Variants in GRID2 observed in about 807,000 individuals in gnomAD.
The protein encoded by GRID2 is glutamate receptor ionotropic, delta-2.
GRID2 carries 33 observed loss-of-function variants against 114.8 expected under a neutral mutation model. The observed-to-expected ratio is 0.29, with a 90% CI of 0.22 to 0.38. The LOEUF (loss-of-function observed/expected upper bound fraction) is 0.38, where lower values mean the gene tolerates loss of function less well. GRID2 is among the 10% of genes least tolerant of loss of function. The pLI, the probability that GRID2 is intolerant of heterozygous loss-of-function variation, is 1.00. For synonymous variants in GRID2, 505 were observed against 449.9 expected (o/e 1.12, Z -1.55); for missense variants, 1,184 against 1,257.7 (o/e 0.94, Z 0.89).
At chr4:93,439,878 A>G (rs1721464939) in intron 10 of GRID2, among the ~76,000 whole-genome samples, 1 of 152,154 alleles carries the variant, frequency 6.6e-6, no homozygotes, top group Middle Eastern at 3.4e-3. Context: ...AGTCGAGCCT[A>G]TCTCTCTATG....
chr4:92,933,325 G>C (rs566735267), intron 2 of GRID2, among the ~76,000 whole-genome samples: 26 of 151,280 alleles, frequency 1.7e-4, no homozygotes, highest in African/African-American at 6.0e-4. Context: ...AATGTACCTT[G>C]ATCACTAATT....
At chr4:93,458,207 T>G (rs1723386951) in intron 11 of GRID2, among the ~76,000 whole-genome samples, 1 of 152,218 alleles carries the variant, frequency 6.6e-6, no homozygotes, top group Non-Finnish European at 1.5e-5. Flanking sequence ...TTTGGTTGAC[T>G]GTGTTAAACC....
At chr4:93,040,067 A>G (rs1050818148) in intron 2 of GRID2, among the ~76,000 whole-genome samples, 7 of 152,112 alleles carry the variant, frequency 4.6e-5, no homozygotes, top group Non-Finnish European at 8.8e-5. Flanking sequence ...TTCATTTTCT[A>G]TGTAGTTTAG....
intron 10 of GRID2, among the ~76,000 whole-genome samples, chr4:93,429,387 G>A (rs1379462308): frequency 6.6e-6 from 1 of 152,104 alleles, no homozygotes; most frequent in Non-Finnish European, 1.5e-5. Flanking sequence ...AAATTAATAT[G>A]TCAATTATAA....
At chr4:93,080,906 A>G (rs540337393) in intron 2 of GRID2, among the ~76,000 whole-genome samples, 1 of 152,122 alleles carries the variant, frequency 6.6e-6, no homozygotes, top group East Asian at 1.9e-4. Context: ...GTGTCATCCT[A>G]TGGAGGAAGG....
At chr4:93,096,770 A>T (rs1473151952) in intron 3 of GRID2, among the ~76,000 whole-genome samples, 1 of 151,974 alleles carries the variant, frequency 6.6e-6, no homozygotes, top group Non-Finnish European at 1.5e-5. Context: ...GCAATTTTTT[A>T]CCAAGTTAAA....
intron 2 of GRID2, among the ~76,000 whole-genome samples, chr4:93,005,898 ACCACTCT>A (rs1055350093): frequency 1.3e-5 from 2 of 152,036 alleles, no homozygotes; most frequent in Admixed American, 1.3e-4. Context: ...TTCATTATCT[ACCACTCT>A]CCATTTACAT....
At chr4:92,348,063 C>T (rs572083990) in intron 1 of GRID2, among the ~76,000 whole-genome samples, 2 of 152,266 alleles carry the variant, frequency 1.3e-5, no homozygotes, top group East Asian at 3.9e-4. Flanking sequence ...TCAACTGATA[C>T]TCCTTCCTCA....
At chr4:93,359,799 C>T (rs1434107926) in intron 8 of GRID2, among the ~76,000 whole-genome samples, 2 of 117,956 alleles carry the variant, frequency 1.7e-5, no homozygotes, top group Non-Finnish European at 3.4e-5. Flanking sequence ...TAAGCGAATA[C>T]CATAGCCAAG....
intron 2 of GRID2, among the ~76,000 whole-genome samples, chr4:92,717,211 G>A (rs954407053): frequency 2.6e-5 from 4 of 152,056 alleles, no homozygotes; most frequent in African/African-American, 4.8e-5. Flanking sequence ...AAAATCTTAC[G>A]TACTTTTCTG....
chr4:93,757,728 G>A (rs1732874009), intron 14 of GRID2, among the ~76,000 whole-genome samples: 1 of 152,182 alleles, frequency 6.6e-6, no homozygotes, highest in Admixed American at 6.5e-5. Flanking sequence ...GGCAGAGGCG[G>A]GTGAATCATC....
rs575692832 is a variant in GRID2 at position 92,323,816 on chromosome 4, T to A, written c.88+19072T>A. ...AGACTGTTAGAGATTGTCCAGAGCC[T>A]AGGACCCTCTTTTGCTCATGAGCAC... On this transcript the variant is annotated intron_variant, in intron 1 of 15. Coordinates refer to ENST00000282020, the MANE Select transcript of GRID2 (RefSeq NM_001510.4). Among the ~76,000 whole-genome samples, 3 of 152,164 alleles carry A rather than the reference T, an allele frequency of 2.0e-5. No homozygotes were observed. In the South Asian group the frequency reaches 6.2e-4, roughly 31 times the overall value.
intron 10 of GRID2, among the ~76,000 whole-genome samples, chr4:93,445,292 A>C (rs1372104896): frequency 6.6e-6 from 1 of 152,000 alleles, no homozygotes; most frequent in Admixed American, 6.6e-5. Flanking sequence ...AAGCGTGATA[A>C]ACCTGGGATA....
chr4:92,686,429 T>C (rs1015003751), intron 2 of GRID2, among the ~76,000 whole-genome samples: 1 of 152,158 alleles, frequency 6.6e-6, no homozygotes, highest in Non-Finnish European at 1.5e-5. Flanking sequence ...ATATCTCCAA[T>C]GTTATCAAAT....
At position 93,501,333 on chromosome 4, in the gene GRID2, G is replaced by GA. The variant is rs768757682; in HGVS notation, c.1997+10558dup. Among the ~76,000 whole-genome samples the GA allele has an allele frequency of 5.3e-5, 8 of 152,070 alleles. No individual in the cohort carries two copies. In the East Asian group the frequency reaches 1.4e-3, roughly 26 times the overall value. On this transcript the variant is annotated intron_variant, in intron 12 of 15. Coordinates refer to ENST00000282020, the MANE Select transcript of GRID2 (RefSeq NM_001510.4). ...AGTCTTTTTTATAGCTCTCAGTAGG[G>GA]AATTGCACACTTTATTAGGAGGAGC...
rs188178580 is a variant in GRID2 at position 92,343,938 on chromosome 4, T to C, written c.88+39194T>C. 3.2e-3 allele frequency among the ~76,000 whole-genome samples: 481 copies of C among 152,282 alleles called. 4 individuals are homozygous for C. Among genetic ancestry groups the C allele is most frequent in the African/African-American group, 0.011 (456 of 41,544 alleles). On this transcript the variant is annotated intron_variant, in intron 1 of 15. Coordinates refer to ENST00000282020, the MANE Select transcript of GRID2 (RefSeq NM_001510.4). The stretch of plus-strand genomic sequence containing the variant: ...CAAAGAAATCATAAGGAAGAAAAAG[T>C]ATATTTTATGTTAAGCAGAAGTGGA...
intron 2 of GRID2, among the ~76,000 whole-genome samples, chr4:92,814,210 G>C (rs934892750): frequency 9.9e-5 from 15 of 152,010 alleles, no homozygotes. Flanking sequence ...TTTTACTTTT[G>C]ATGTATGTGG....
intron 14 of GRID2, among the ~76,000 whole-genome samples, chr4:93,644,453 T>G (rs192645764): frequency 4.6e-3 from 697 of 152,286 alleles, no homozygotes; most frequent in South Asian, 0.011. Flanking sequence ...TCTGTAAGGT[T>G]TTTAATCTTT....
At chr4:92,748,481 T>G (rs1737265316) in intron 2 of GRID2, among the ~76,000 whole-genome samples, 1 of 152,026 alleles carries the variant, frequency 6.6e-6, no homozygotes. Context: ...TATGTGGTAG[T>G]AAATGTTTTG....
Sources: gnomAD v4.1 joint callset for allele counts (sites outside exome capture counted in the v4.1 genomes callset) on GRCh38, gnomAD v4.1.1 for gene constraint, MANE v1.5 for transcripts, NCBI Gene and HGNC (gene_info 2026-07-23, HGNC 2026-07-21) for gene names.